The following AP3B2 variants were observed in gnomAD, a reference collection of about 807,000 sequenced individuals.
AP3B2 encodes the protein AP-3 complex subunit beta-2.
Under a neutral mutation model 126.9 loss-of-function variants are expected in AP3B2, and 50 were observed. The ratio of observed to expected loss-of-function variants is 0.39; its 90% CI spans 0.31 to 0.50. The LOEUF is 0.50. Ranked by LOEUF, AP3B2 falls within the 20% of genes least tolerant of loss-of-function variation. The pLI, the probability that AP3B2 is intolerant of heterozygous loss-of-function variation, is 0.79. For synonymous variants in AP3B2, 541 were observed against 565.0 expected, an observed-to-expected ratio of 0.96 and a Z score of 0.60; for missense variants, 1,177 against 1,426.4, an observed-to-expected ratio of 0.83 and a Z score of 2.82.
At chr15:82,670,068 C>T (rs1314658184) in intron 14 of AP3B2, among the ~76,000 whole-genome samples, 1 of 59,586 alleles carries the variant, frequency 1.7e-5, no homozygotes, top group Non-Finnish European at 3.5e-5. Context: ...AACTCCGTCT[C>T]CAAAAAAAAA....
At position 82,680,787 on chromosome 15, in the gene AP3B2, C is replaced by T; in HGVS notation, c.772-32G>A. 1 of 1,605,370 alleles carries T rather than the reference C, an allele frequency of 6.2e-7. No homozygotes were observed. The highest frequency in any genetic ancestry group is 8.5e-7 in the Non-Finnish European group (1 of 1,175,822). On this transcript the variant is annotated intron_variant, in intron 7 of 26. Coordinates refer to ENST00000535359, the MANE Select transcript of AP3B2 (RefSeq NM_001278512.2). The surrounding 1 kb of genome is among the most constrained non-coding windows in gnomAD (Gnocchi z 6.1). ...GGGGAGACCGACGGGTCTGTGGGCG[C>T]CTCCCCGGGACACACTTCGGCCCGC... is the stretch of plus-strand genomic sequence containing the variant.
Position 82,659,532 on chromosome 15 carries a change from G to A in AP3B2, c.*28C>T. 6.2e-7 allele frequency: 1 copy of A among 1,611,334 alleles called. No individual in the cohort carries two copies. The highest frequency in any genetic ancestry group is 8.5e-7 in the Non-Finnish European group (1 of 1,178,354). On this transcript the variant is annotated 3_prime_UTR_variant, in exon 27 of 27. Coordinates refer to ENST00000535359, the MANE Select transcript of AP3B2 (RefSeq NM_001278512.2). ...AGGTGTCATGGGGAGGTATAGATGG[G>A]AGCCAAACAGGTCACAGCATTTGGA...
At chr15:82,696,827 T>A (rs2048635495) in intron 1 of AP3B2, among the ~76,000 whole-genome samples, 1 of 152,170 alleles carries the variant, frequency 6.6e-6, no homozygotes, top group African/African-American at 2.4e-5. Flanking sequence ...ATCAGAGAAT[T>A]GTTAATAAAC....
chr15:82,659,878 C>G lies in AP3B2; in HGVS notation c.3122G>C (p.Gly1041Ala). The change falls in exon 26 of 27, where the codon GGT (glycine) becomes GCT (alanine). Residue 1041 changes from glycine to alanine, a missense_variant. Transcript: ENST00000535359. ...VQKVTATANLGRVPCGTSDEY... is the reference protein window; with the variant it reads ...VQKVTATANLARVPCGTSDEY... ...ATCAGATGTCCCACAAGGAACACGA[C>G]CCAGGTTGGCAGTGGCAGTCACTTT... The G allele has an allele frequency of 1.2e-6, 2 of 1,614,002 alleles. No individual in the cohort carries two copies. Among genetic ancestry groups the G allele is most frequent in the Non-Finnish European group, 1.7e-6 (2 of 1,179,886 alleles).
rs768245826 is a variant in AP3B2, at chr15:82,677,259, T to C, written c.1488+15A>G. 10 of 1,587,656 alleles carry C rather than the reference T, an allele frequency of 6.3e-6. No individual in the cohort carries two copies. Among genetic ancestry groups the C allele is most frequent in the South Asian group, 1.1e-5 (1 of 89,874 alleles). ...GACCTTGAAGTGGGGAGTGAAAATA[T>C]GGCTTCTCCCTCACCTGGATGTTGT... On this transcript the variant is annotated intron_variant, in intron 13 of 26. Coordinates refer to ENST00000535359, the MANE Select transcript of AP3B2 (RefSeq NM_001278512.2).
At position 82,689,456 on chromosome 15, in the gene AP3B2, G is replaced by A. The variant is rs1372901878; in HGVS notation, c.114-3C>T. 2 of 1,613,086 alleles carry A rather than the reference G, an allele frequency of 1.2e-6. No homozygotes were observed. Among genetic ancestry groups the A allele is most frequent in the East Asian group, 2.2e-5 (1 of 44,856 alleles). The stretch of plus-strand genomic sequence containing the variant: ...GCATCTCCTTCAGGTCATCATGCCT[G>A]GTGGGAGGTACAAGAAGTCAGCTGA... On this transcript the variant is annotated splice_region_variant and splice_polypyrimidine_tract_variant and intron_variant, in intron 1 of 26. Coordinates refer to ENST00000535359, the MANE Select transcript of AP3B2 (RefSeq NM_001278512.2).
intron 14 of AP3B2, among the ~76,000 whole-genome samples, chr15:82,667,332 T>A (rs1344879445): frequency 6.6e-6 from 1 of 152,180 alleles, no homozygotes; most frequent in Non-Finnish European, 1.5e-5. Flanking sequence ...GTTTCCAGGC[T>A]CCACCACCCA....
intron 24 of AP3B2, 105 bp from the exon 25 acceptor site, chr15:82,662,027 C>A (rs1469695109): frequency 7.5e-7 from 1 of 1,332,248 alleles, no homozygotes; most frequent in Non-Finnish European, 1.1e-6. Flanking sequence ...AGAGTGAGGT[C>A]AGGAATGAGG....
In AP3B2 at chr15:82,676,423, G is replaced by A. The variant is rs780218803; in HGVS notation, c.1665+38C>T. On this transcript the variant is annotated intron_variant, in intron 14 of 26. Transcript: ENST00000535359. ...AGAATACTGTCTAGGGAGTTTCTGG[G>A]GACCAGAGTATCTGGGGGGTCATCT... The A allele has an allele frequency of 3.1e-6, 5 of 1,602,810 alleles. No homozygotes were observed. In the East Asian group the frequency reaches 1.1e-4, roughly 36 times the overall value.
intron 1 of AP3B2, 88 bp from the exon 2 acceptor site, chr15:82,689,541 G>A: frequency 1.6e-6 from 2 of 1,275,556 alleles, no homozygotes; most frequent in South Asian, 2.6e-5. Flanking sequence ...GAAGGGACAT[G>A]GCCAGGGGAG....
Position 82,665,177 on chromosome 15 carries a change from C to T in AP3B2, c.2028+70G>A, listed in dbSNP as rs2048029454. 10 of 1,489,878 alleles carry T rather than the reference C, an allele frequency of 6.7e-6. No homozygotes were observed. Among genetic ancestry groups the T allele is most frequent in the Admixed American group, 2.0e-5 (1 of 50,744 alleles). The allele number at this position is 1,489,878 out of a possible 1,614,324, so 92.3% of individuals were successfully genotyped here. A position where few individuals can be genotyped will look rare whatever the true frequency, so the allele number is the denominator to read the frequency against. Reference sequence around the variant, plus strand: ...CAGAGTATGGGAAGGCCCAGGAGCACAACACACAGGGGAAGAAGAGGGACA... The same window carrying T: ...CAGAGTATGGGAAGGCCCAGGAGCATAACACACAGGGGAAGAAGAGGGACA... On this transcript the variant is annotated intron_variant, in intron 17 of 26. Transcript: ENST00000535359. The surrounding 1 kb of genome is among the most constrained non-coding windows in gnomAD (Gnocchi z 4.4).
At chr15:82,660,105 G>C in intron 25 of AP3B2, 122 bp from the exon 26 acceptor site, 1 of 1,256,592 alleles carries the variant, frequency 8.0e-7, no homozygotes, top group Admixed American at 2.1e-5. Flanking sequence ...GGGCAGGTCA[G>C]AATTTAAATC....
chr15:82,677,687 C>T lies in AP3B2; in HGVS notation c.1362G>A (p.Leu454=). Residue 454 remains leucine, a synonymous_variant, in exon 12 of 27, where the codon CTG becomes CTA. Coordinates refer to ENST00000535359, the MANE Select transcript of AP3B2 (RefSeq NM_001278512.2). ...AACACTGACCATCACGGTTGGACAG[C>T]AGCTGCACCAGGCCATTGAGGCAGG... The part of the protein sequence containing the change: ...RDTCLNGLVQ[L]LSNRDELVVA... The T allele has an allele frequency of 6.4e-7, 1 of 1,568,042 alleles. No individual in the cohort carries two copies. Among genetic ancestry groups the T allele is most frequent in the Admixed American group, 1.9e-5 (1 of 53,312 alleles).
At chr15:82,683,122 G>C (rs776085951) in intron 4 of AP3B2, among the ~76,000 whole-genome samples, 1 of 141,000 alleles carries the variant, frequency 7.1e-6, no homozygotes, top group African/African-American at 2.7e-5. Flanking sequence ...GCAGTGGCGA[G>C]ATCTCGGGTC....
chr15:82,667,694 T>C (rs1357790772), intron 14 of AP3B2, among the ~76,000 whole-genome samples: 2 of 152,228 alleles, frequency 1.3e-5, no homozygotes, highest in African/African-American at 4.8e-5. Context: ...TGCTAGGTGC[T>C]CCACACTAGC....
chr15:82,689,290 T>C (rs1480200363), intron 2 of AP3B2, 58 bp from the exon 3 acceptor site: 1 of 1,611,920 alleles, frequency 6.2e-7, no homozygotes, highest in Non-Finnish European at 8.5e-7. Flanking sequence ...CAGCACTAAC[T>C]AGAGGGAAGG....
Position 82,709,664 on chromosome 15 carries a change from C to T in AP3B2, c.43G>A (p.Ala15Thr). Reference sequence around the variant, plus strand: ...CCGTACTCGGGCTCCCCGGGGCCAGCGGAGCCGCCCTTGTCTTCGCTGTAG... The same window carrying T: ...CCGTACTCGGGCTCCCCGGGGCCAGTGGAGCCGCCCTTGTCTTCGCTGTAG... ...PAYSEDKGGS[A>T]GPGEPEYGHD... Residue 15 changes from alanine to threonine, a missense_variant, in exon 1 of 27, where the codon GCT becomes ACT. This residue lies in a region of AP3B2 where 49 missense variants were observed against 39.3 expected (regional missense o/e 1.25). Transcript: ENST00000535359. 1.3e-6 allele frequency: 2 copies of T among 1,509,428 alleles called. No homozygotes were observed. Among genetic ancestry groups the T allele is most frequent in the East Asian group, 2.7e-5 (1 of 36,646 alleles). The allele number at this position is 1,509,428 out of a possible 1,614,324, so 93.5% of individuals were successfully genotyped here.
At chr15:82,698,536 G>A (rs1349012698) in intron 1 of AP3B2, among the ~76,000 whole-genome samples, 1 of 151,210 alleles carries the variant, frequency 6.6e-6, no homozygotes, top group Non-Finnish European at 1.5e-5. Flanking sequence ...CAGATAACTT[G>A]GACCAAACTT....
intron 9 of AP3B2, 67 bp from the exon 10 acceptor site, chr15:82,679,867 C>G: frequency 7.0e-7 from 1 of 1,419,362 alleles, no homozygotes; most frequent in Non-Finnish European, 9.9e-7. Context: ...CCCAGAGACA[C>G]CCCTCCTATC....
Sources: allele counts gnomAD v4.1 joint callset (sites outside exome capture counted in the v4.1 genomes callset), GRCh38; gene constraint gnomAD v4.1.1; regional missense constraint gnomAD v4.1.1; non-coding constraint Gnocchi (gnomAD v3.1); transcripts MANE v1.5; gene names NCBI Gene and HGNC (gene_info 2026-07-23, HGNC 2026-07-21).